Variants in DSCAM observed in about 807,000 individuals in gnomAD.
DSCAM encodes the protein DS cell adhesion molecule, also known as cell adhesion molecule DSCAM.
A neutral mutation model predicts 217.7 loss-of-function variants in DSCAM; 47 were observed. The ratio of observed to expected loss-of-function variants is 0.22; its 90% confidence interval spans 0.17 to 0.28. The LOEUF (loss-of-function observed/expected upper bound fraction) is 0.28. DSCAM is among the 10% of genes least tolerant of loss of function. The pLI, the probability that DSCAM is intolerant of heterozygous loss-of-function variation, is 1.00. For synonymous variants in DSCAM, 1,056 were observed against 1,015.3 expected, an observed-to-expected ratio of 1.04 and a Z score of -0.76; for missense variants, 2,080 against 2,618.3, an observed-to-expected ratio of 0.79 and a Z score of 4.49.
rs1388292311 is a variant in DSCAM at position 40,624,770 on chromosome 21, GCA to G, written c.508+68038_508+68039del. ...CCTTTGTGTGCATACACATCCAAAA[GCA>G]CATCCACACAAACACACACTCATCA... On this transcript the variant is annotated intron_variant, in intron 3 of 32. Transcript: ENST00000400454. 1.8e-4 allele frequency among the ~76,000 whole-genome samples: 5 copies of G among 27,110 alleles called. No individual in the cohort carries two copies. In the East Asian group the frequency reaches 2.5e-3, roughly 14 times the overall value. The allele number at this position is 27,110 out of a possible 152,430, so 17.8% of individuals were successfully genotyped here. A position where few individuals can be genotyped will look rare whatever the true frequency, so the allele number is the denominator to read the frequency against.
chr21:40,692,197 G>A (rs1330994407), intron 3 of DSCAM, among the ~76,000 whole-genome samples: 5 of 152,240 alleles, frequency 3.3e-5, no homozygotes, highest in Admixed American at 3.3e-4. Context: ...CAGGTAAATA[G>A]CACAGAGCAA....
At chr21:40,400,940 T>C (rs535247071) in intron 3 of DSCAM, among the ~76,000 whole-genome samples, 6 of 152,344 alleles carry the variant, frequency 3.9e-5, no homozygotes, top group Middle Eastern at 3.4e-3. Flanking sequence ...ATATAATCAC[T>C]GATCTCATCA....
At chr21:40,178,218 G>T (rs1016267223) in intron 15 of DSCAM, among the ~76,000 whole-genome samples, 7 of 152,060 alleles carry the variant, frequency 4.6e-5, no homozygotes, top group Non-Finnish European at 5.9e-5. Flanking sequence ...TGAGTGGCTC[G>T]CAGTGTGTTA....
chr21:40,687,655 TATA>T (rs1459141670), intron 3 of DSCAM, among the ~76,000 whole-genome samples: 1 of 152,232 alleles, frequency 6.6e-6, no homozygotes, highest in Admixed American at 6.5e-5. Flanking sequence ...TGGCTGTACC[TATA>T]ATCTCTTTTC....
At chr21:40,561,085 C>T (rs770780078) in intron 3 of DSCAM, among the ~76,000 whole-genome samples, 34 of 152,142 alleles carry the variant, frequency 2.2e-4, no homozygotes, top group Admixed American at 5.9e-4. Flanking sequence ...AACTCTGAAA[C>T]GGCTAAATTT....
In DSCAM at chr21:40,627,194, C is replaced by T. The variant is rs2089612641; in HGVS notation, c.508+65616G>A. 1.3e-5 allele frequency among the ~76,000 whole-genome samples: 2 copies of T among 152,146 alleles called. 1 individual carries two copies. The highest frequency in any genetic ancestry group is 4.1e-4 in the South Asian group (2 of 4,824). On this transcript the variant is annotated intron_variant, in intron 3 of 32. Transcript: ENST00000400454. ...TAGTTGAATGAATGGACAAATAACT[C>T]TAATAACCTGTGGCAAATAGAAGTG...
At chr21:40,127,850 G>A (rs999898664) in intron 19 of DSCAM, among the ~76,000 whole-genome samples, 2 of 152,088 alleles carry the variant, frequency 1.3e-5, no homozygotes, top group Non-Finnish European at 2.9e-5. Flanking sequence ...ATCTGATGGT[G>A]CTCCCCAACA....
intron 4 of DSCAM, among the ~76,000 whole-genome samples, chr21:40,366,427 C>CTCT (rs1361009739): frequency 1.3e-5 from 2 of 151,940 alleles, no homozygotes; most frequent in Non-Finnish European, 2.9e-5. Flanking sequence ...AATTTTAGAA[C>CTCT]TCTTCATTTT....
intron 3 of DSCAM, among the ~76,000 whole-genome samples, chr21:40,549,744 G>A (rs577333911): frequency 6.6e-6 from 1 of 152,276 alleles, no homozygotes; most frequent in Non-Finnish European, 1.5e-5. Flanking sequence ...TTATATTGAC[G>A]TTTGGAAACC....
intron 1 of DSCAM, among the ~76,000 whole-genome samples, chr21:40,830,906 T>C (rs1049615111): frequency 6.6e-6 from 1 of 152,236 alleles, no homozygotes; most frequent in Non-Finnish European, 1.5e-5. Context: ...CAAATATCTT[T>C]AAATTTCTCT....
intron 3 of DSCAM, among the ~76,000 whole-genome samples, chr21:40,430,967 G>C (rs539973622): frequency 2.0e-5 from 3 of 152,340 alleles, no homozygotes; most frequent in Admixed American, 2.0e-4. Flanking sequence ...GAGACAGCTG[G>C]AGAGGGAGAA....
intron 30 of DSCAM, among the ~76,000 whole-genome samples, chr21:40,048,209 C>T (rs370195320): frequency 1.2e-4 from 19 of 152,210 alleles, no homozygotes; most frequent in South Asian, 6.2e-4. Flanking sequence ...CCAAGTGCTC[C>T]GGGCACATGG....
chr21:40,294,570 AC>A (rs2073932553), intron 10 of DSCAM, among the ~76,000 whole-genome samples: 2 of 152,202 alleles, frequency 1.3e-5, no homozygotes, highest in Non-Finnish European at 2.9e-5. Flanking sequence ...GAATTAACAT[AC>A]AGGAGTGTTC....
Position 40,653,570 on chromosome 21 carries a change from G to A in DSCAM, c.508+39240C>T, listed in dbSNP as rs527611503. Among the ~76,000 whole-genome samples, 30 of 152,238 alleles carry A rather than the reference G, an allele frequency of 2.0e-4. 1 individual carries two copies. Among genetic ancestry groups the A allele is most frequent in the Admixed American group, 1.8e-3 (28 of 15,294 alleles). On this transcript the variant is annotated intron_variant, in intron 3 of 32. Coordinates refer to ENST00000400454, the MANE Select transcript of DSCAM (RefSeq NM_001389.5). Reference sequence around the variant, plus strand: ...GAATTGGTATCAGTGATGGAAAGAAGGCCACACCCTCTCTACTTGGTCTGC... The same window carrying A: ...GAATTGGTATCAGTGATGGAAAGAAAGCCACACCCTCTCTACTTGGTCTGC...
intron 6 of DSCAM, among the ~76,000 whole-genome samples, chr21:40,341,041 G>T (rs940296285): frequency 2.6e-5 from 4 of 152,118 alleles, no homozygotes; most frequent in Admixed American, 6.5e-5. Context: ...GTTTCAGGTG[G>T]CTGGAGAAGT....
At chr21:40,517,641 C>T (rs1156591370) in intron 3 of DSCAM, among the ~76,000 whole-genome samples, 1 of 152,114 alleles carries the variant, frequency 6.6e-6, no homozygotes, top group Non-Finnish European at 1.5e-5. Flanking sequence ...GGAACTTCAA[C>T]AAAACCATGA....
In DSCAM at chr21:40,528,898, C is replaced by CTTTTTTTTTTTTTTTTTTTTTTT. The variant is rs911356584; in HGVS notation, c.509-159676_509-159654dup. Among the ~76,000 whole-genome samples, 48 of 99,380 alleles carry CTTTTTTTTTTTTTTTTTTTTTTT rather than the reference C, an allele frequency of 4.8e-4. 4 individuals are homozygous for CTTTTTTTTTTTTTTTTTTTTTTT. Among genetic ancestry groups the CTTTTTTTTTTTTTTTTTTTTTTT allele is most frequent in the African/African-American group, 1.7e-3 (35 of 20,554 alleles). The allele number at this position is 99,380 out of a possible 152,430, so 65.2% of individuals were successfully genotyped here. ...TCTTTGGCAATGTCCAGGCTTTCCACTTTTTTTTTTTTTTTTTTTTTTTGA... is the reference window on the plus strand; with the variant it reads ...TCTTTGGCAATGTCCAGGCTTTCCACTTTTTTTTTTTTTTTTTTTTTTTTTTTTTTTTTTTTTTTTTTTTTTGA... On this transcript the variant is annotated intron_variant, in intron 3 of 32. Coordinates refer to ENST00000400454, the MANE Select transcript of DSCAM (RefSeq NM_001389.5).
chr21:40,320,336 T>G (rs1281240846), intron 8 of DSCAM, among the ~76,000 whole-genome samples: 1 of 152,240 alleles, frequency 6.6e-6, no homozygotes, highest in Non-Finnish European at 1.5e-5. Context: ...ATGCATATTG[T>G]TTTTCCTATA....
intron 9 of DSCAM, among the ~76,000 whole-genome samples, chr21:40,302,525 C>T (rs868067607): frequency 4.6e-5 from 7 of 152,062 alleles, no homozygotes; most frequent in East Asian, 1.9e-4. Flanking sequence ...TAATACAGAG[C>T]GGTTTTTCTG....
Sources: allele counts gnomAD v4.1 joint callset (sites outside exome capture counted in the v4.1 genomes callset), GRCh38; gene constraint gnomAD v4.1.1; transcripts MANE v1.5; gene names NCBI Gene and HGNC (gene_info 2026-07-23, HGNC 2026-07-21).